Variants in ZDHHC14 observed in about 807,000 individuals in gnomAD.
ZDHHC14 encodes the protein zDHHC palmitoyltransferase 14, also known as palmitoyltransferase ZDHHC14.
A neutral mutation model predicts 47.7 loss-of-function variants in ZDHHC14; 16 were observed. The observed-to-expected ratio is 0.34, with a 90% confidence interval of 0.23 to 0.51. ZDHHC14 has a LOEUF of 0.51. Ranked by LOEUF, ZDHHC14 falls within the 20% of genes least tolerant of loss-of-function variation. The probability of loss-of-function intolerance (pLI) is 0.97; values close to 1 mark genes in which losing one functional copy is unlikely to be tolerated. For synonymous variants in ZDHHC14, 293 were observed against 278.9 expected, an observed-to-expected ratio of 1.05 and a Z score of -0.50; for missense variants, 515 against 662.5, an observed-to-expected ratio of 0.78 and a Z score of 2.44.
At chr6:157,623,652 C>T (rs780591854) in intron 3 of ZDHHC14, among the ~76,000 whole-genome samples, 32 of 151,054 alleles carry the variant, frequency 2.1e-4, no homozygotes, top group Non-Finnish European at 3.7e-4. Flanking sequence ...TGGGTTCAAG[C>T]GGTTCTCCTG....
At chr6:157,508,893 A>G (rs1016983458) in intron 1 of ZDHHC14, among the ~76,000 whole-genome samples, 4 of 152,170 alleles carry the variant, frequency 2.6e-5, no homozygotes, top group African/African-American at 9.7e-5. Context: ...TTCTGATGAT[A>G]TAAGTTATAG....
At position 157,384,084 on chromosome 6, in the gene ZDHHC14, A is replaced by G. The variant is rs1233882180; in HGVS notation, c.245+1818A>G. Among the ~76,000 whole-genome samples the G allele has an allele frequency of 4.6e-5, 7 of 152,314 alleles. No homozygotes were observed. The East Asian group carries it at 7.7e-4, about 17-fold the overall frequency. ...TGCAGAGTATTAACTGTGTTCCTACAGTTTTTTAAAAAAAATCTTGAACAG... is the reference window on the plus strand; with the variant it reads ...TGCAGAGTATTAACTGTGTTCCTACGGTTTTTTAAAAAAAATCTTGAACAG... On this transcript the variant is annotated intron_variant, in intron 1 of 8. Coordinates refer to ENST00000359775, the MANE Select transcript of ZDHHC14 (RefSeq NM_024630.3).
At chr6:157,544,193 A>G (rs1489817646) in intron 2 of ZDHHC14, among the ~76,000 whole-genome samples, 1 of 152,208 alleles carries the variant, frequency 6.6e-6, no homozygotes, top group Non-Finnish European at 1.5e-5. Flanking sequence ...GTTTATGCCT[A>G]CAATATATGA....
At chr6:157,646,177 G>T in intron 6 of ZDHHC14, 1 of 197,996 alleles carries the variant, frequency 5.1e-6, no homozygotes, top group Non-Finnish European at 1.0e-5. Flanking sequence ...AGACCATGGC[G>T]GGCCAACATC....
intron 7 of ZDHHC14, 54 bp from the exon 8 acceptor site, chr6:157,653,471 C>T (rs879095152): frequency 9.4e-6 from 15 of 1,587,690 alleles, no homozygotes; most frequent in East Asian, 4.5e-5. Flanking sequence ...AGTGCTGCTG[C>T]ATCTCTGGCT....
intron 2 of ZDHHC14, among the ~76,000 whole-genome samples, chr6:157,590,660 G>A (rs897988189): frequency 1.1e-4 from 16 of 152,238 alleles, no homozygotes; most frequent in Admixed American, 1.0e-3. Context: ...CAGTGCAGAA[G>A]GGAAATGTGG....
intron 3 of ZDHHC14, among the ~76,000 whole-genome samples, chr6:157,602,442 A>G (rs1784371275): frequency 6.8e-6 from 1 of 147,052 alleles, no homozygotes; most frequent in Non-Finnish European, 1.5e-5. Context: ...GTGAGCCGAG[A>G]TGGCACCACT....
At chr6:157,468,472 A>G (rs527675602) in intron 1 of ZDHHC14, among the ~76,000 whole-genome samples, 2 of 152,344 alleles carry the variant, frequency 1.3e-5, no homozygotes, top group East Asian at 3.9e-4. Flanking sequence ...GTGCCTGTCC[A>G]GTTAGAAAGA....
At chr6:157,596,652 C>G (rs1442799382) in intron 3 of ZDHHC14, among the ~76,000 whole-genome samples, 1 of 152,132 alleles carries the variant, frequency 6.6e-6, no homozygotes, top group East Asian at 1.9e-4. Flanking sequence ...TTGAGTAATA[C>G]TGGAACCTGG....
intron 1 of ZDHHC14, among the ~76,000 whole-genome samples, chr6:157,489,826 T>G (rs983740323): frequency 2.0e-5 from 3 of 152,224 alleles, no homozygotes; most frequent in African/African-American, 4.8e-5. Context: ...TGGAGTGCAG[T>G]GGCGTGATCA....
At chr6:157,616,573 C>T (rs977571915) in intron 3 of ZDHHC14, among the ~76,000 whole-genome samples, 10 of 152,148 alleles carry the variant, frequency 6.6e-5, no homozygotes, top group South Asian at 6.2e-4. Context: ...GCTGCCAGGC[C>T]ACTCCACTCC....
At chr6:157,404,768 G>A (rs1018336384) in intron 1 of ZDHHC14, among the ~76,000 whole-genome samples, 7 of 152,140 alleles carry the variant, frequency 4.6e-5, no homozygotes, top group East Asian at 1.9e-4. Flanking sequence ...TTTTAATTTT[G>A]GAATATTTTA....
At chr6:157,445,861 C>T (rs931963347) in intron 1 of ZDHHC14, among the ~76,000 whole-genome samples, 9 of 151,912 alleles carry the variant, frequency 5.9e-5, no homozygotes, top group African/African-American at 1.5e-4. Context: ...GTTATGAAAC[C>T]GAGGCATCAA....
At chr6:157,605,811 G>C (rs894450302) in intron 3 of ZDHHC14, among the ~76,000 whole-genome samples, 1 of 152,178 alleles carries the variant, frequency 6.6e-6, no homozygotes, top group Non-Finnish European at 1.5e-5. Flanking sequence ...CAGCGGGTGG[G>C]GGGTAGGGGG....
At chr6:157,440,910 T>C (rs1321015542) in intron 1 of ZDHHC14, among the ~76,000 whole-genome samples, 1 of 152,210 alleles carries the variant, frequency 6.6e-6, no homozygotes, top group Non-Finnish European at 1.5e-5. Flanking sequence ...GACAACATTG[T>C]GGTTATAGCA....
At chr6:157,645,568 C>T (rs1274520104) in intron 5 of ZDHHC14, among the ~76,000 whole-genome samples, 169 bp from the exon 6 acceptor site, 1 of 152,222 alleles carries the variant, frequency 6.6e-6, no homozygotes, top group Admixed American at 6.5e-5. Context: ...AGGCCTCCAT[C>T]TGGTTAGACG....
At chr6:157,513,983 C>T (rs1780589283) in intron 1 of ZDHHC14, among the ~76,000 whole-genome samples, 1 of 152,098 alleles carries the variant, frequency 6.6e-6, no homozygotes, top group Non-Finnish European at 1.5e-5. Context: ...TGGTCCCAGG[C>T]TCTTCCCACT....
At chr6:157,505,197 A>G (rs1435446990) in intron 1 of ZDHHC14, among the ~76,000 whole-genome samples, 1 of 152,258 alleles carries the variant, frequency 6.6e-6, no homozygotes, top group East Asian at 1.9e-4. Context: ...TATGTTTAAA[A>G]GCAAGGACAG....
intron 2 of ZDHHC14, among the ~76,000 whole-genome samples, chr6:157,572,618 A>G (rs919912303): frequency 1.4e-5 from 2 of 148,058 alleles, no homozygotes; most frequent in African/African-American, 2.5e-5. Context: ...AGCATTAGGT[A>G]TATCTCCTAA....
Sources: allele counts gnomAD v4.1 joint callset (sites outside exome capture counted in the v4.1 genomes callset), GRCh38; gene constraint gnomAD v4.1.1; transcripts MANE v1.5; gene names NCBI Gene and HGNC (gene_info 2026-07-23, HGNC 2026-07-21).